EPC2: variants seen among roughly 807,000 people sequenced by gnomAD.
EPC2 encodes the protein enhancer of polycomb homolog 2.
A neutral mutation model predicts 92.1 loss-of-function variants in EPC2; 14 were observed. That is an observed-to-expected ratio of 0.15 (90% CI 0.10 to 0.24). EPC2 has a LOEUF of 0.24. Ranked by LOEUF, EPC2 falls within the 10% of genes least tolerant of loss-of-function variation. The pLI is 1.00. For synonymous variants in EPC2, 340 were observed against 334.7 expected (o/e 1.02, Z -0.17); for missense variants, 755 against 971.5 (o/e 0.78, Z 2.96).
chr2:148,729,664 A>G (rs989932682), intron 2 of EPC2, among the ~76,000 whole-genome samples: 3 of 152,304 alleles, frequency 2.0e-5, no homozygotes, highest in Non-Finnish European at 4.4e-5. Flanking sequence ...AATCTGATGA[A>G]TGAGAAAAAA....
intron 1 of EPC2, among the ~76,000 whole-genome samples, chr2:148,655,153 A>G (rs1344326792): frequency 6.6e-6 from 1 of 152,228 alleles, no homozygotes; most frequent in Non-Finnish European, 1.5e-5. Context: ...TGAGACGGTC[A>G]CTGGCAAAAC....
intron 1 of EPC2, among the ~76,000 whole-genome samples, chr2:148,654,420 A>G (rs928965634): frequency 3.7e-4 from 57 of 152,138 alleles, no homozygotes; most frequent in Admixed American, 5.9e-4. Context: ...TTCTCATGCC[A>G]ATTAAACATT....
At chr2:148,688,397 CACCA>C (rs1681572818) in intron 1 of EPC2, among the ~76,000 whole-genome samples, 2 of 151,932 alleles carry the variant, frequency 1.3e-5, no homozygotes, top group Non-Finnish European at 2.9e-5. Context: ...ACATCACACA[CACCA>C]GGGCCTGTTG....
intron 2 of EPC2, among the ~76,000 whole-genome samples, chr2:148,705,768 G>A (rs1468981873): frequency 1.3e-5 from 2 of 152,198 alleles, no homozygotes; most frequent in Non-Finnish European, 2.9e-5. Flanking sequence ...CTGACTGTTA[G>A]AAGGAAAACT....
intron 1 of EPC2, among the ~76,000 whole-genome samples, chr2:148,689,474 C>G (rs1191256535): frequency 6.6e-6 from 1 of 152,018 alleles, no homozygotes; most frequent in African/African-American, 2.4e-5. Flanking sequence ...CACCACCCAG[C>G]CATTGAGTGA....
chr2:148,648,228 A>G (rs537325843), intron 1 of EPC2, among the ~76,000 whole-genome samples: 1 of 152,324 alleles, frequency 6.6e-6, no homozygotes, highest in South Asian at 2.1e-4. Flanking sequence ...CAATTGGAGT[A>G]TTAGTTTTTC....
chr2:148,746,238 C>T (rs914778367), intron 3 of EPC2, among the ~76,000 whole-genome samples: 2 of 152,118 alleles, frequency 1.3e-5, no homozygotes, highest in South Asian at 4.2e-4. Flanking sequence ...TTCTCAAACT[C>T]CAGGATTTTT....
chr2:148,721,890 C>CTTTTTTTTTTTTTT, intron 2 of EPC2, among the ~76,000 whole-genome samples: 30 of 60,702 alleles, frequency 4.9e-4, no homozygotes, highest in Non-Finnish European at 5.2e-4. Context: ...GTTTTGATTT[C>CTTTTTTTTTTTTTT]TTTTTTTTTT....
chr2:148,649,531 A>G (rs1680619916), intron 1 of EPC2, among the ~76,000 whole-genome samples: 1 of 152,236 alleles, frequency 6.6e-6, no homozygotes, highest in Admixed American at 6.5e-5. Context: ...ATTGCTGAGT[A>G]GTATTCCAGT....
At chr2:148,753,873 T>A (rs1683125471) in intron 3 of EPC2, 54 bp from the exon 4 acceptor site, 1 of 1,508,194 alleles carries the variant, frequency 6.6e-7, no homozygotes, top group African/African-American at 1.4e-5. Flanking sequence ...TAAGCTAACT[T>A]TTATTTCTTT....
intron 2 of EPC2, among the ~76,000 whole-genome samples, chr2:148,738,573 G>T (rs1027329825): frequency 1.3e-5 from 2 of 152,196 alleles, no homozygotes; most frequent in Non-Finnish European, 2.9e-5. Context: ...TCCTAGTTGT[G>T]TAAATAACCA....
At chr2:148,737,589 C>T (rs1166238719) in intron 2 of EPC2, among the ~76,000 whole-genome samples, 2 of 152,030 alleles carry the variant, frequency 1.3e-5, no homozygotes, top group African/African-American at 4.8e-5. Context: ...CTTCAGAGTC[C>T]ACAGGCTCTC....
intron 11 of EPC2, among the ~76,000 whole-genome samples, chr2:148,782,319 T>C (rs937584122): frequency 1.2e-4 from 18 of 151,986 alleles, no homozygotes; most frequent in Non-Finnish European, 4.4e-5. Context: ...GGCAGATCAC[T>C]TGGGGTCAGG....
At chr2:148,685,939 G>C (rs956647010) in intron 1 of EPC2, among the ~76,000 whole-genome samples, 1 of 152,170 alleles carries the variant, frequency 6.6e-6, no homozygotes, top group Non-Finnish European at 1.5e-5. Context: ...TCTTTTTACT[G>C]TTGGAGGGTC....
intron 2 of EPC2, among the ~76,000 whole-genome samples, chr2:148,693,318 C>T (rs1681680116): frequency 6.6e-6 from 1 of 152,134 alleles, no homozygotes; most frequent in Non-Finnish European, 1.5e-5. Flanking sequence ...AGGTTCATCA[C>T]ATACTTGCCT....
In EPC2 at chr2:148,666,869, CTT is replaced by C. The variant is rs61149894; in HGVS notation, c.153+21713_153+21714del. Among the ~76,000 whole-genome samples the C allele has an allele frequency of 4.8e-3, 706 of 145,906 alleles. 2 individuals carry two copies. The highest frequency in any genetic ancestry group is 8.4e-3 in the South Asian group (39 of 4,618). On this transcript the variant is annotated intron_variant, in intron 1 of 13. Coordinates refer to ENST00000258484, the MANE Select transcript of EPC2 (RefSeq NM_015630.4). Reference sequence around the variant, plus strand: ...GAAACTTTAATAAGCCATTGTTAGACTTTTTTTTTTTTTTTCCAGGCTCAGGA... The same window carrying C: ...GAAACTTTAATAAGCCATTGTTAGACTTTTTTTTTTTTTCCAGGCTCAGGA...
chr2:148,651,757 G>A (rs1303812581), intron 1 of EPC2, among the ~76,000 whole-genome samples: 1 of 152,112 alleles, frequency 6.6e-6, no homozygotes, highest in Non-Finnish European at 1.5e-5. Context: ...GTTGTTGAGT[G>A]TTTGAGCATG....
intron 1 of EPC2, among the ~76,000 whole-genome samples, chr2:148,687,686 C>T (rs1337727198): frequency 2.0e-5 from 3 of 152,142 alleles, no homozygotes; most frequent in African/African-American, 7.2e-5. Context: ...TCTGACAAAA[C>T]GATGCTGCTT....
intron 2 of EPC2, among the ~76,000 whole-genome samples, chr2:148,698,062 G>A (rs930137494): frequency 9.2e-5 from 14 of 151,932 alleles, no homozygotes; most frequent in Non-Finnish European, 1.5e-4. Flanking sequence ...AAAGGTTACT[G>A]TACCTTTCAT....
Sources: allele counts gnomAD v4.1 joint callset (sites outside exome capture counted in the v4.1 genomes callset), GRCh38; gene constraint gnomAD v4.1.1; transcripts MANE v1.5; gene names NCBI Gene and HGNC (gene_info 2026-07-23, HGNC 2026-07-21).